Variants in UBE2H observed in about 807,000 individuals in gnomAD.
UBE2H encodes the protein ubiquitin conjugating enzyme E2 H.
In UBE2H, 3 loss-of-function variants were observed where a neutral mutation model predicts 29.0. The observed-to-expected ratio is 0.10, with a 90% CI of 0.05 to 0.27. The LOEUF (loss-of-function observed/expected upper bound fraction) is 0.27, where lower values mean the gene tolerates loss of function less well. Ranked by LOEUF, UBE2H falls within the 10% of genes least tolerant of loss-of-function variation. The probability of loss-of-function intolerance (pLI) is 1.00; values close to 1 mark genes in which losing one functional copy is unlikely to be tolerated. For synonymous variants in UBE2H, 69 were observed against 82.9 expected (o/e 0.83, Z 0.91); for missense variants, 68 against 228.2 (o/e 0.30, Z 4.52).
At chr7:129,897,289 G>A (rs540703473) in intron 1 of UBE2H, among the ~76,000 whole-genome samples, 1 of 152,270 alleles carries the variant, frequency 6.6e-6, no homozygotes, top group South Asian at 2.1e-4. Flanking sequence ...TAACACATAT[G>A]CACATATAAA....
chr7:129,946,353 C>G (rs1807765861), intron 1 of UBE2H, among the ~76,000 whole-genome samples: 1 of 152,142 alleles, frequency 6.6e-6, no homozygotes, highest in African/African-American at 2.4e-5. Flanking sequence ...GCCACCGCGC[C>G]CGGCCCCTAG....
chr7:129,899,382 T>C (rs1234179637), intron 1 of UBE2H, among the ~76,000 whole-genome samples: 1 of 152,208 alleles, frequency 6.6e-6, no homozygotes, highest in Non-Finnish European at 1.5e-5. Context: ...CCAATACCAG[T>C]ATTAAAGCTT....
intron 6 of UBE2H, 87 bp from the exon 7 acceptor site, chr7:129,835,148 G>T: frequency 6.3e-7 from 1 of 1,581,472 alleles, no homozygotes; most frequent in South Asian, 1.1e-5. Flanking sequence ...AGGCTGCGGA[G>T]GTTCAAACTT....
intron 1 of UBE2H, among the ~76,000 whole-genome samples, chr7:129,886,658 T>G (rs1358534550): frequency 1.3e-5 from 2 of 151,086 alleles, no homozygotes; most frequent in African/African-American, 4.9e-5. Flanking sequence ...GCAAGTCGTG[T>G]GGATTTCTGT....
chr7:129,932,243 C>T (rs950981205), intron 1 of UBE2H, among the ~76,000 whole-genome samples: 1 of 151,476 alleles, frequency 6.6e-6, no homozygotes, highest in Non-Finnish European at 1.5e-5. Flanking sequence ...CCTGCCTCAG[C>T]CCCCTGAGTA....
At chr7:129,888,352 A>AT (rs984799705) in intron 1 of UBE2H, among the ~76,000 whole-genome samples, 2 of 152,258 alleles carry the variant, frequency 1.3e-5, no homozygotes, top group Non-Finnish European at 2.9e-5. Context: ...GATGAAATCC[A>AT]TATGTATAAA....
chr7:129,897,100 C>T (rs1001874109), intron 1 of UBE2H, among the ~76,000 whole-genome samples: 1 of 151,984 alleles, frequency 6.6e-6, no homozygotes, highest in South Asian at 2.1e-4. Flanking sequence ...GAGCCACTTA[C>T]TCGAAGACCC....
chr7:129,880,914 C>T lies in UBE2H; in HGVS notation c.111G>A (p.Lys37=). ...ILGGLNEFVV[K]FYGPQGTPYE... is the part of the protein sequence containing the mutation. ...ACTTACTTCCTTGTGGTCCATAAAA[C>T]TTCACTACAAATTCATTAAGTCCTC... is the stretch of plus-strand genomic sequence containing the variant. The change falls in exon 2 of 7, where the codon AAG becomes AAA. Residue 37 remains lysine (K), a synonymous_variant. Transcript: ENST00000355621. The T allele has an allele frequency of 1.9e-6, 3 of 1,613,792 alleles. No individual in the cohort carries two copies. Among genetic ancestry groups the T allele is most frequent in the Non-Finnish European group, 2.5e-6 (3 of 1,179,862 alleles).
intron 1 of UBE2H, among the ~76,000 whole-genome samples, chr7:129,888,408 T>C (rs1292764231): frequency 6.6e-6 from 1 of 152,140 alleles, no homozygotes; most frequent in East Asian, 1.9e-4. Context: ...TCCTAGCACT[T>C]CAGGAGGCTG....
intron 1 of UBE2H, among the ~76,000 whole-genome samples, chr7:129,897,284 C>T (rs1472690098): frequency 6.6e-6 from 1 of 152,194 alleles, no homozygotes; most frequent in East Asian, 1.9e-4. Context: ...AAAGGTAACA[C>T]ATATGCACAT....
intron 1 of UBE2H, among the ~76,000 whole-genome samples, chr7:129,907,625 T>C (rs1053486823): frequency 6.6e-6 from 1 of 152,220 alleles, no homozygotes; most frequent in Non-Finnish European, 1.5e-5. Context: ...TATGCCGAGG[T>C]AGATGACGGA....
chr7:129,928,316 C>A (rs892368865), intron 1 of UBE2H, among the ~76,000 whole-genome samples: 2 of 151,532 alleles, frequency 1.3e-5, no homozygotes, highest in East Asian at 2.0e-4. Context: ...ACAAACACAA[C>A]TTATGGCCAG....
chr7:129,868,586 C>CAAAAAAAAAA (rs11356893), intron 3 of UBE2H, among the ~76,000 whole-genome samples: 2 of 69,514 alleles, frequency 2.9e-5, no homozygotes, highest in Non-Finnish European at 4.9e-5. Context: ...GACTCCGTCT[C>CAAAAAAAAAA]AAAAAAAAAA....
intron 3 of UBE2H, among the ~76,000 whole-genome samples, chr7:129,864,100 CTTAA>C (rs1163261613): frequency 6.6e-6 from 1 of 152,112 alleles, no homozygotes; most frequent in Non-Finnish European, 1.5e-5. Context: ...GGCCCTCAGG[CTTAA>C]TTGTTAGAAA....
intron 1 of UBE2H, among the ~76,000 whole-genome samples, chr7:129,890,674 C>T (rs776131641): frequency 1.3e-5 from 2 of 152,000 alleles, no homozygotes; most frequent in Non-Finnish European, 1.5e-5. Context: ...GCCCAGCCAA[C>T]GGTGATACTA....
Position 129,857,277 on chromosome 7 carries a change from CACTAT to C in UBE2H, c.298+229_298+233del, listed in dbSNP as rs1805723855. 7.3e-6 allele frequency: 4 copies of C among 547,748 alleles called. No homozygotes were observed. The East Asian group carries it at 9.0e-5, about 12-fold the overall frequency. The allele number at this position is 547,748 out of a possible 1,614,324, so 33.9% of individuals were successfully genotyped here. A position where few individuals can be genotyped will look rare whatever the true frequency, so the allele number is the denominator to read the frequency against. ...TGTACTCATGTGTGTGCACATGTAT[CACTAT>C]ACCTTAAGTTTGGAATCTCAAAAAA... On this transcript the variant is annotated intron_variant, in intron 5 of 6. Coordinates refer to ENST00000355621, the MANE Select transcript of UBE2H (RefSeq NM_003344.4).
chr7:129,880,386 G>T (rs1173692910), intron 2 of UBE2H, among the ~76,000 whole-genome samples: 2 of 152,066 alleles, frequency 1.3e-5, no homozygotes, highest in Non-Finnish European at 2.9e-5. Flanking sequence ...GGCACCTATA[G>T]TCCCAGCTAC....
At chr7:129,872,044 G>A (rs1334336108) in intron 3 of UBE2H, among the ~76,000 whole-genome samples, 2 of 152,052 alleles carry the variant, frequency 1.3e-5, no homozygotes, top group Admixed American at 6.6e-5. Context: ...TAGTAGACAC[G>A]GGGTTTCACC....
At chr7:129,843,976 GT>G (rs1292000899) in intron 5 of UBE2H, among the ~76,000 whole-genome samples, 1 of 152,192 alleles carries the variant, frequency 6.6e-6, no homozygotes, top group Non-Finnish European at 1.5e-5. Context: ...AGTTTAGCGT[GT>G]CCCAGAAAGA....
Sources: gnomAD v4.1 joint callset for allele counts (sites outside exome capture counted in the v4.1 genomes callset) on GRCh38, gnomAD v4.1.1 for gene constraint, MANE v1.5 for transcripts, NCBI Gene and HGNC (gene_info 2026-07-23, HGNC 2026-07-21) for gene names.